The following IGFBP2 variants were observed in gnomAD, a reference collection of about 807,000 sequenced individuals.
IGFBP2 encodes the protein insulin like growth factor binding protein 2.
Under a neutral mutation model 26.2 loss-of-function variants are expected in IGFBP2, and 12 were observed. That is an observed-to-expected ratio of 0.46 (90% CI 0.29 to 0.74). The LOEUF (loss-of-function observed/expected upper bound fraction) is 0.74. Ranked by LOEUF, IGFBP2 falls within the 30% of genes least tolerant of loss-of-function variation. The probability of loss-of-function intolerance (pLI) is 0.09; values close to 1 mark genes in which losing one functional copy is unlikely to be tolerated. For synonymous variants in IGFBP2, 189 were observed against 200.6 expected, an observed-to-expected ratio of 0.94 and a Z score of 0.49; for missense variants, 328 against 441.2, an observed-to-expected ratio of 0.74 and a Z score of 2.30.
intron 1 of IGFBP2, among the ~76,000 whole-genome samples, chr2:216,655,908 A>C (rs1293811623): frequency 6.6e-6 from 1 of 152,116 alleles, no homozygotes; most frequent in Non-Finnish European, 1.5e-5. Context: ...AAAACAAAAA[A>C]AAAAAATCAA....
intron 1 of IGFBP2, among the ~76,000 whole-genome samples, chr2:216,638,579 A>G (rs760822995): frequency 6.6e-6 from 1 of 152,174 alleles, no homozygotes; most frequent in Non-Finnish European, 1.5e-5. Flanking sequence ...CCATTCACTC[A>G]TTATCTGACC....
intron 1 of IGFBP2, among the ~76,000 whole-genome samples, chr2:216,658,605 A>G (rs1290626324): frequency 6.6e-6 from 1 of 151,984 alleles, no homozygotes; most frequent in Non-Finnish European, 1.5e-5. Flanking sequence ...GCTGGAGTAC[A>G]ATGGTGCGAT....
At chr2:216,660,466 C>A in intron 1 of IGFBP2, 91 bp from the exon 2 acceptor site, 1 of 911,252 alleles carries the variant, frequency 1.1e-6, no homozygotes. Context: ...CATCTCCACC[C>A]TCATCATCAT....
chr2:216,645,501 A>G (rs145076148), intron 1 of IGFBP2, among the ~76,000 whole-genome samples: 162 of 152,296 alleles, frequency 1.1e-3, no homozygotes, highest in African/African-American at 3.6e-3. Context: ...CTCCAGCTCT[A>G]TAGTTCATTT....
Position 216,633,937 on chromosome 2 carries a change from G to A in IGFBP2, c.414G>A (p.Glu138=), listed in dbSNP as rs1697440089. The change falls in exon 1 of 4, where the codon GAG becomes GAA. Residue 138 remains glutamate (E), a synonymous_variant. Coordinates refer to ENST00000233809, the MANE Select transcript of IGFBP2 (RefSeq NM_000597.3). ...EGTCEKRRDA[E]YGASPEQVAD... ...CTTGTGAGAAGCGCCGGGACGCCGA[G>A]TATGGCGCCAGCCCGGAGCAGGTTG... 16 of 1,603,688 alleles carry A rather than the reference G, an allele frequency of 1.0e-5. No homozygotes were observed. The highest frequency in any genetic ancestry group is 1.3e-5 in the African/African-American group (1 of 74,764).
In IGFBP2 at chr2:216,633,938, T is replaced by G. The variant is rs34448948; in HGVS notation, c.415T>G (p.Tyr139Asp). ...GTCEKRRDAE[Y>D]GASPEQVADN... ...TTGTGAGAAGCGCCGGGACGCCGAG[T>G]ATGGCGCCAGCCCGGAGCAGGTTGC... The change falls in exon 1 of 4, where the codon TAT becomes GAT. Residue 139 changes from tyrosine to aspartate, a missense_variant. Physicochemically the swap from Tyr to Asp is radical, Grantham distance 160 (BLOSUM62 -3). Transcript: ENST00000233809. 1.7e-5 allele frequency: 28 copies of G among 1,603,142 alleles called. No individual in the cohort carries two copies. The African/African-American group carries it at 3.2e-4, about 18-fold the overall frequency.
In IGFBP2 at chr2:216,661,981, C is replaced by A. The variant is rs750208021; in HGVS notation, c.796C>A (p.Leu266Met). The part of the protein sequence containing the change: ...LHIPNCDKHG[L>M]YNLKQCKMSL... Reference sequence around the variant, plus strand: ...CATCCCCAACTGTGACAAGCATGGCCTGTACAACCTCAAACAGGTGAGCAT... The same window carrying A: ...CATCCCCAACTGTGACAAGCATGGCATGTACAACCTCAAACAGGTGAGCAT... The change falls in exon 3 of 4, where the codon CTG becomes ATG. Residue 266 changes from leucine (L) to methionine (M), a missense_variant. Coordinates refer to ENST00000233809, the MANE Select transcript of IGFBP2 (RefSeq NM_000597.3). 1 of 1,614,208 alleles carries A rather than the reference C, an allele frequency of 6.2e-7. No homozygotes were observed. Among genetic ancestry groups the A allele is most frequent in the South Asian group, 1.1e-5 (1 of 91,092 alleles).
chr2:216,662,127 C>T, intron 3 of IGFBP2, 129 bp downstream of exon 3: 1 of 1,079,630 alleles, frequency 9.3e-7, no homozygotes, highest in Non-Finnish European at 1.3e-6. Flanking sequence ...AGACTCCTGT[C>T]ACCATGGGGA....
At chr2:216,660,050 A>C (rs1698003554) in intron 1 of IGFBP2, among the ~76,000 whole-genome samples, 1 of 152,142 alleles carries the variant, frequency 6.6e-6, no homozygotes, top group South Asian at 2.1e-4. Flanking sequence ...AAAAAACTCA[A>C]CTAATTGGTG....
rs2106209987 is a variant in IGFBP2 at position 216,664,215 on chromosome 2, C to A, written c.*111C>A. 1 of 877,166 alleles carries A rather than the reference C, an allele frequency of 1.1e-6. No homozygotes were observed. Among genetic ancestry groups the A allele is most frequent in the Non-Finnish European group, 1.7e-6 (1 of 602,124 alleles). The allele number at this position is 877,166 out of a possible 1,614,324, so 54.3% of individuals were successfully genotyped here. Reference sequence around the variant, plus strand: ...GCTGGAGGATTTTCCAGTTCTGACACACGTATTTATATTTGGAAAGAGACC... The same window carrying A: ...GCTGGAGGATTTTCCAGTTCTGACAAACGTATTTATATTTGGAAAGAGACC... On this transcript the variant is annotated 3_prime_UTR_variant, in exon 4 of 4. Transcript: ENST00000233809. The surrounding 1 kb of genome is among the most constrained non-coding windows in gnomAD (Gnocchi z 4.6).
intron 1 of IGFBP2, chr2:216,659,700 T>C: frequency 6.5e-7 from 1 of 1,534,768 alleles, no homozygotes; most frequent in Non-Finnish European, 8.7e-7. Context: ...ATAAGGAGAC[T>C]TAATGGACGC....
At chr2:216,650,902 C>T (rs1697806315) in intron 1 of IGFBP2, among the ~76,000 whole-genome samples, 1 of 152,038 alleles carries the variant, frequency 6.6e-6, no homozygotes, top group Admixed American at 6.6e-5. Flanking sequence ...AGGAAGGGCT[C>T]AGGGGGTGAG....
intron 1 of IGFBP2, among the ~76,000 whole-genome samples, chr2:216,643,112 A>T (rs1697647488): frequency 6.6e-6 from 1 of 152,224 alleles, no homozygotes; most frequent in Non-Finnish European, 1.5e-5. Context: ...TGCACCAGGA[A>T]AATGGACCTT....
rs1391612002 is a variant in IGFBP2, at chr2:216,633,481, C to T, written c.-43C>T. 1 of 494,070 alleles carries T rather than the reference C, an allele frequency of 2.0e-6. No individual in the cohort carries two copies. Among genetic ancestry groups the T allele is most frequent in the Non-Finnish European group, 2.6e-6 (1 of 378,536 alleles). 30.6% of individuals were successfully genotyped at this position (494,070 alleles called of 1,614,324 possible). On this transcript the variant is annotated 5_prime_UTR_variant, in exon 1 of 4. Transcript: ENST00000233809. ...GGGCCGTGCCACCTGCCCGCCCGCC[C>T]GCTCGCTCGCTCGCCCGCCGCGCCG...
chr2:216,660,499 G>C, intron 1 of IGFBP2, 58 bp from the exon 2 acceptor site: 3 of 1,367,378 alleles, frequency 2.2e-6, no homozygotes, highest in East Asian at 2.3e-5. Context: ...GGCTCCCGGA[G>C]GGCACGTCTC....
chr2:216,656,074 C>T (rs1313466578), intron 1 of IGFBP2, among the ~76,000 whole-genome samples: 1 of 152,078 alleles, frequency 6.6e-6, no homozygotes, highest in African/African-American at 2.4e-5. Context: ...ACAAGTTGGC[C>T]CTGCCTGGCG....
intron 2 of IGFBP2, chr2:216,661,605 C>T: frequency 1.8e-6 from 1 of 567,362 alleles, no homozygotes; most frequent in Non-Finnish European, 3.2e-6. Flanking sequence ...CACATGAAAG[C>T]CACGGTCACA....
At chr2:216,647,221 C>T (rs1158213613) in intron 1 of IGFBP2, among the ~76,000 whole-genome samples, 1 of 151,990 alleles carries the variant, frequency 6.6e-6, no homozygotes, top group African/African-American at 2.4e-5. Flanking sequence ...TCTACTTCTT[C>T]AGTCTTGGAA....
At position 216,660,596 on chromosome 2, in the gene IGFBP2, A is replaced by C. The variant is rs1698019826; in HGVS notation, c.482A>C (p.Asn161Thr). 39 of 1,613,014 alleles carry C rather than the reference A, an allele frequency of 2.4e-5. No homozygotes were observed. The highest frequency in any genetic ancestry group is 3.0e-5 in the Non-Finnish European group (35 of 1,179,478). ...DDHSEGGLVENHVDSTMNMLG... is the reference protein window; with the variant it reads ...DDHSEGGLVETHVDSTMNMLG... Reference sequence around the variant, plus strand: ...CACTCAGAAGGAGGCCTGGTGGAGAACCACGTGGACAGCACCATGAACATG... The same window carrying C: ...CACTCAGAAGGAGGCCTGGTGGAGACCCACGTGGACAGCACCATGAACATG... Residue 161 changes from asparagine to threonine, a missense_variant, in exon 2 of 4, where the codon AAC becomes ACC. Physicochemically the swap from Asn to Thr is moderately conservative, Grantham distance 65. Transcript: ENST00000233809.
Sources: allele counts gnomAD v4.1 joint callset (sites outside exome capture counted in the v4.1 genomes callset), GRCh38; gene constraint gnomAD v4.1.1; non-coding constraint Gnocchi (gnomAD v3.1); transcripts MANE v1.5; gene names NCBI Gene and HGNC (gene_info 2026-07-23, HGNC 2026-07-21).